Variants in SYT14 observed in about 807,000 individuals in gnomAD.
The protein encoded by SYT14 is synaptotagmin 14.
In SYT14, 32 loss-of-function variants were observed where a neutral mutation model predicts 74.2. The ratio of observed to expected loss-of-function variants is 0.43; its 90% CI spans 0.33 to 0.58. The LOEUF is 0.58. SYT14 is among the 20% of genes least tolerant of loss of function. SYT14 has a pLI of 0.05. For synonymous variants in SYT14, 298 were observed against 337.7 expected (o/e 0.88, Z 1.29); for missense variants, 791 against 981.8 (o/e 0.81, Z 2.60).
intron 7 of SYT14, among the ~76,000 whole-genome samples, chr1:210,151,506 C>CG (rs2083160230): frequency 1.5e-5 from 2 of 132,936 alleles, no homozygotes; most frequent in Non-Finnish European, 3.1e-5. Context: ...AGGCGAATGC[C>CG]CCCCCCCTTT....
At chr1:210,091,074 A>C (rs2081857599) in intron 5 of SYT14, among the ~76,000 whole-genome samples, 1 of 152,232 alleles carries the variant, frequency 6.6e-6, no homozygotes. Flanking sequence ...TCCAGAAAAC[A>C]GTAGTGAAGT....
intron 2 of SYT14, chr1:209,953,194 T>C (rs1321691497): frequency 3.1e-6 from 4 of 1,287,542 alleles, no homozygotes; most frequent in Admixed American, 2.3e-5. Context: ...CACCAACAAC[T>C]GTCTATGCTT....
intron 5 of SYT14, among the ~76,000 whole-genome samples, chr1:210,080,314 T>G (rs2081594658): frequency 6.6e-6 from 1 of 152,200 alleles, no homozygotes; most frequent in African/African-American, 2.4e-5. Context: ...GAATCATAAT[T>G]TAGAGTCATA....
intron 7 of SYT14, among the ~76,000 whole-genome samples, chr1:210,127,003 A>G (rs997188158): frequency 3.9e-5 from 6 of 152,308 alleles, no homozygotes; most frequent in Non-Finnish European, 7.3e-5. Context: ...ATGGGGTTCT[A>G]TGGCTGTTGA....
At chr1:210,062,575 A>G (rs1443339998) in intron 5 of SYT14, among the ~76,000 whole-genome samples, 1 of 151,860 alleles carries the variant, frequency 6.6e-6, no homozygotes, top group Non-Finnish European at 1.5e-5. Context: ...CCACTTTGCC[A>G]TCAACACGTC....
chr1:210,075,092 C>A (rs986642882), intron 5 of SYT14, among the ~76,000 whole-genome samples: 1 of 152,164 alleles, frequency 6.6e-6, no homozygotes. Context: ...CCCTGGAGTC[C>A]GACCGCTCAG....
intron 2 of SYT14, among the ~76,000 whole-genome samples, chr1:209,987,559 A>G (rs1370474454): frequency 6.6e-6 from 1 of 152,198 alleles, no homozygotes; most frequent in Non-Finnish European, 1.5e-5. Flanking sequence ...GCTGTAAAGG[A>G]TCTTCCCCCA....
intron 2 of SYT14, among the ~76,000 whole-genome samples, chr1:209,975,545 G>A (rs887295794): frequency 1.3e-5 from 2 of 152,154 alleles, no homozygotes; most frequent in African/African-American, 2.4e-5. Flanking sequence ...TTGCATCCAG[G>A]GATGAAACCC....
intron 7 of SYT14, among the ~76,000 whole-genome samples, chr1:210,114,080 G>T (rs777039712): frequency 6.6e-6 from 1 of 151,408 alleles, no homozygotes; most frequent in Non-Finnish European, 1.5e-5. Flanking sequence ...GTCTTCAGCC[G>T]CTATGCCGAG....
chr1:210,077,481 GTTCATCA>G (rs2081524636), intron 5 of SYT14, among the ~76,000 whole-genome samples: 1 of 152,094 alleles, frequency 6.6e-6, no homozygotes. Flanking sequence ...TTTGTTTATC[GTTCATCA>G]CTTGATGGTC....
intron 5 of SYT14, among the ~76,000 whole-genome samples, chr1:210,035,267 G>A (rs2080634626): frequency 6.6e-6 from 1 of 151,504 alleles, no homozygotes; most frequent in Admixed American, 6.6e-5. Context: ...GTTATTTGAG[G>A]GGTTTTGGTT....
chr1:210,069,521 G>A (rs2081355639), intron 5 of SYT14, among the ~76,000 whole-genome samples: 1 of 151,778 alleles, frequency 6.6e-6, no homozygotes, highest in Admixed American at 6.6e-5. Context: ...ATCATTTTGT[G>A]GTAATAACCT....
At chr1:210,056,127 A>C (rs1237540617) in intron 5 of SYT14, among the ~76,000 whole-genome samples, 3 of 152,160 alleles carry the variant, frequency 2.0e-5, no homozygotes, top group African/African-American at 7.2e-5. Context: ...TACCTTTATA[A>C]GTTTATGTTC....
intron 5 of SYT14, among the ~76,000 whole-genome samples, chr1:210,021,533 G>C (rs1172108371): frequency 6.6e-6 from 1 of 152,224 alleles, no homozygotes; most frequent in Non-Finnish European, 1.5e-5. Context: ...AGCATGATAT[G>C]AAAGATGTGA....
chr1:209,995,136 C>T (rs1164341633), intron 2 of SYT14, among the ~76,000 whole-genome samples: 1 of 152,140 alleles, frequency 6.6e-6, no homozygotes, highest in Admixed American at 6.6e-5. Flanking sequence ...GAAAATCATA[C>T]ATATCAATAC....
At chr1:210,090,197 C>T (rs991984792) in intron 5 of SYT14, among the ~76,000 whole-genome samples, 2 of 152,150 alleles carry the variant, frequency 1.3e-5, no homozygotes, top group Non-Finnish European at 2.9e-5. Flanking sequence ...TGGGGTTTTA[C>T]TTTTGATTCA....
chr1:210,015,903 A>G, exon 4 of SYT14: 7 of 1,228,410 alleles, frequency 5.7e-6, no homozygotes, highest in Non-Finnish European at 7.1e-6. Flanking sequence ...GCTGACGAAT[A>G]GCAACATTTA....
chr1:210,094,270 C>T (rs1335393042), intron 5 of SYT14, 52 bp from the exon 5 acceptor site: 1 of 1,611,372 alleles, frequency 6.2e-7, no homozygotes, highest in Non-Finnish European at 8.5e-7. Context: ...GTAGACTATA[C>T]TGTGTGTTGA....
intron 2 of SYT14, among the ~76,000 whole-genome samples, chr1:209,982,788 C>T (rs1042184458): frequency 1.1e-4 from 17 of 152,286 alleles, no homozygotes; most frequent in African/African-American, 3.1e-4. Flanking sequence ...CTTTTAGAGT[C>T]GCTGTGCCAT....
Sources: allele counts gnomAD v4.1 joint callset (sites outside exome capture counted in the v4.1 genomes callset), GRCh38; gene constraint gnomAD v4.1.1; transcripts MANE v1.5; gene names NCBI Gene and HGNC (gene_info 2026-07-23, HGNC 2026-07-21).